Variants in PRSS23 observed in about 807,000 individuals in gnomAD.
The protein encoded by PRSS23 is serine protease 23, also known as protease, serine 23.
Under a neutral mutation model 34.7 loss-of-function variants are expected in PRSS23, and 25 were observed. The observed-to-expected ratio is 0.72, with a 90% CI of 0.53 to 1.01. PRSS23 has a LOEUF of 1.01. PRSS23 is among the 50% of genes least tolerant of loss of function. The pLI, the probability that PRSS23 is intolerant of heterozygous loss-of-function variation, is 0.00. For synonymous variants in PRSS23, 176 were observed against 186.6 expected, an observed-to-expected ratio of 0.94 and a Z score of 0.46; for missense variants, 445 against 475.6, an observed-to-expected ratio of 0.94 and a Z score of 0.60.
intron 2 of PRSS23, among the ~76,000 whole-genome samples, chr11:86,865,263 T>C (rs1330806958): frequency 6.6e-6 from 1 of 152,240 alleles, no homozygotes; most frequent in Non-Finnish European, 1.5e-5. Flanking sequence ...CTACTATATG[T>C]GGTCTTGAGC....
At chr11:86,879,838 C>A (rs1437333200) in intron 2 of PRSS23, among the ~76,000 whole-genome samples, 15 of 110,300 alleles carry the variant, frequency 1.4e-4, no homozygotes, top group South Asian at 6.4e-4. Flanking sequence ...GTCAGCCCCC[C>A]GCCCGGCCAG....
chr11:86,952,306 T>G (rs773169981), exon 3 of PRSS23: 1 of 1,614,184 alleles, frequency 6.2e-7, no homozygotes, highest in Non-Finnish European at 8.5e-7. Context: ...GGTCGTTCTG[T>G]GGTGGGAATT....
intron 2 of PRSS23, among the ~76,000 whole-genome samples, chr11:86,858,409 G>C (rs950813595): frequency 2.6e-5 from 4 of 151,702 alleles, no homozygotes; most frequent in Non-Finnish European, 4.4e-5. Flanking sequence ...TCCCAATACC[G>C]ATGGGGGTGC....
At chr11:86,847,566 C>G (rs570190506) in intron 2 of PRSS23, among the ~76,000 whole-genome samples, 1 of 152,256 alleles carries the variant, frequency 6.6e-6, no homozygotes. Context: ...CAGGACTAAC[C>G]AGGGGTGTGG....
downstream of PRSS23, among the ~76,000 whole-genome samples, chr11:86,815,651 C>G (rs778866432): frequency 6.6e-6 from 1 of 152,212 alleles, no homozygotes; most frequent in Non-Finnish European, 1.5e-5. Flanking sequence ...ATGAGCCTTG[C>G]AAGAGCAGGG....
intron 2 of PRSS23, among the ~76,000 whole-genome samples, chr11:86,864,964 G>A (rs1486210042): frequency 6.6e-6 from 1 of 152,210 alleles, no homozygotes; most frequent in Non-Finnish European, 1.5e-5. Flanking sequence ...GGCCCACACA[G>A]ATAACTCAGG....
At chr11:86,893,134 G>A (rs1948852464) in intron 2 of PRSS23, among the ~76,000 whole-genome samples, 1 of 152,154 alleles carries the variant, frequency 6.6e-6, no homozygotes, top group Non-Finnish European at 1.5e-5. Context: ...ACACCAGCCA[G>A]GGAATGCCAG....
At chr11:86,822,259 A>G (rs1417156594) in intron 1 of PRSS23, among the ~76,000 whole-genome samples, 1 of 152,182 alleles carries the variant, frequency 6.6e-6, no homozygotes, top group African/African-American at 2.4e-5. Context: ...GGGAGGAATG[A>G]CCACCATCTT....
At chr11:86,829,666 G>T (rs1190504976) in intron 2 of PRSS23, among the ~76,000 whole-genome samples, 60 of 148,414 alleles carry the variant, frequency 4.0e-4, no homozygotes, top group African/African-American at 1.2e-3. Context: ...ATGGGTTTTT[G>T]GTGTGGATGT....
chr11:86,906,769 A>G (rs1268598071), intron 2 of PRSS23, among the ~76,000 whole-genome samples: 1 of 152,208 alleles, frequency 6.6e-6, no homozygotes, highest in Non-Finnish European at 1.5e-5. Flanking sequence ...AGCGCTTGCC[A>G]TATGCTAGGC....
downstream of PRSS23, among the ~76,000 whole-genome samples, chr11:86,814,802 G>A (rs760240679): frequency 6.6e-6 from 1 of 152,178 alleles, no homozygotes; most frequent in African/African-American, 2.4e-5. Flanking sequence ...GGCATCAATG[G>A]GGTGGTGCAG....
At chr11:86,878,657 G>GA (rs1007202223) in intron 2 of PRSS23, among the ~76,000 whole-genome samples, 2 of 152,020 alleles carry the variant, frequency 1.3e-5, no homozygotes, top group African/African-American at 4.8e-5. Context: ...CCAAAGTGCC[G>GA]AGATTGCAGC....
intron 2 of PRSS23, among the ~76,000 whole-genome samples, chr11:86,918,187 C>G (rs561509504): frequency 6.8e-6 from 1 of 147,164 alleles, no homozygotes; most frequent in East Asian, 2.0e-4. Flanking sequence ...TAAAATAAAG[C>G]TATTGTGTCA....
chr11:86,852,105 C>T (rs1218768639), intron 2 of PRSS23, among the ~76,000 whole-genome samples: 2 of 152,152 alleles, frequency 1.3e-5, no homozygotes, highest in Non-Finnish European at 2.9e-5. Flanking sequence ...ACTGAACTGC[C>T]CCTCCCCTCT....
chr11:86,827,923 C>T (rs1590881744), intron 2 of PRSS23, among the ~76,000 whole-genome samples: 2 of 152,094 alleles, frequency 1.3e-5, no homozygotes, highest in East Asian at 3.8e-4. Flanking sequence ...ACTATGTGAC[C>T]AATTTTGGAA....
intron 2 of PRSS23, among the ~76,000 whole-genome samples, chr11:86,899,405 G>C (rs1948896716): frequency 6.6e-6 from 1 of 152,080 alleles, no homozygotes; most frequent in African/African-American, 2.4e-5. Context: ...TGTAGTCCCA[G>C]CTACTTGGGG....
chr11:86,832,534 T>C, intron 2 of PRSS23: 1 of 347,930 alleles, frequency 2.9e-6, no homozygotes, highest in Admixed American at 3.3e-5. Context: ...ATTAAACTGT[T>C]CTGCCATGCA....
At chr11:86,868,179 C>T (rs1042716717) in intron 2 of PRSS23, among the ~76,000 whole-genome samples, 1 of 152,184 alleles carries the variant, frequency 6.6e-6, no homozygotes, top group Non-Finnish European at 1.5e-5. Context: ...ACCCTCAGAG[C>T]ATTCATGAGC....
intron 2 of PRSS23, among the ~76,000 whole-genome samples, chr11:86,891,371 G>C (rs527681835): frequency 6.6e-6 from 1 of 152,226 alleles, no homozygotes; most frequent in African/African-American, 2.4e-5. Context: ...TCATTTGTTG[G>C]AGCTTGTGTC....
Sources: allele counts gnomAD v4.1 joint callset (sites outside exome capture counted in the v4.1 genomes callset), GRCh38; gene constraint gnomAD v4.1.1; transcripts MANE v1.5; gene names NCBI Gene and HGNC (gene_info 2026-07-23, HGNC 2026-07-21).